PLS3: variants seen among roughly 807,000 people sequenced by gnomAD.
PLS3 encodes plastin 3.
PLS3 carries 11 observed loss-of-function variants against 46.5 expected under a neutral mutation model. The ratio of observed to expected loss-of-function variants is 0.24; its 90% CI spans 0.15 to 0.39. PLS3 has a LOEUF of 0.39. Ranked by LOEUF, PLS3 falls within the 10% of genes least tolerant of loss-of-function variation. The pLI, the probability that PLS3 is intolerant of heterozygous loss-of-function variation, is 1.00. For missense variants in PLS3, 308 were observed against 461.8 expected (o/e 0.67, Z 3.05); for synonymous variants, 167 against 162.2 (o/e 1.03, Z -0.22).
At chrX:115,579,381 T>C (rs1014811349) in intron 1 of PLS3, among the ~76,000 whole-genome samples, 7 of 112,309 alleles carry the variant, frequency 6.2e-5, no homozygotes, top group Non-Finnish European at 1.3e-4. Context: ...CAGGTGTTAG[T>C]GTGAACTTCA....
intron 11 of PLS3, 97 bp downstream of exon 11, chrX:115,645,196 C>T (rs2074938696): frequency 1.8e-6 from 1 of 561,301 alleles, no homozygotes; most frequent in Admixed American, 3.0e-5. Context: ...TAATTTGTAG[C>T]TATTATTTAT....
At chrX:115,564,920 C>T (rs2074163144) in intron 1 of PLS3, among the ~76,000 whole-genome samples, 1 of 111,629 alleles carries the variant, frequency 9.0e-6, no homozygotes, top group African/African-American at 3.3e-5. Flanking sequence ...ATCCAGAAGG[C>T]AAAATTTTTG....
intron 1 of PLS3, among the ~76,000 whole-genome samples, chrX:115,575,269 C>A (rs1290655660): frequency 5.4e-5 from 6 of 111,641 alleles, no homozygotes; most frequent in African/African-American, 2.0e-4. Flanking sequence ...GGGGTTGTTT[C>A]TACACTATGG....
At chrX:115,585,015 T>A (rs2074299275) in intron 1 of PLS3, among the ~76,000 whole-genome samples, 1 of 112,088 alleles carries the variant, frequency 8.9e-6, no homozygotes, top group Non-Finnish European at 1.9e-5. Context: ...CTTTTTGTAT[T>A]TTCTTTCATA....
chrX:115,630,570 A>C (rs1323126209), intron 5 of PLS3, among the ~76,000 whole-genome samples: 1 of 107,651 alleles, frequency 9.3e-6, no homozygotes, highest in African/African-American at 3.4e-5. Flanking sequence ...ATCTGTTATG[A>C]TCTCCACATT....
At position 115,634,369 on chromosome X, in the gene PLS3, A is replaced by G. The variant is rs73638913; in HGVS notation, c.582+288A>G. On this transcript the variant is annotated intron_variant, in intron 6 of 15. Transcript: ENST00000355899. ...CTACAGAGATAAGCAGAAGTATATA[A>G]GCTCTTAATTAACTGGCGTGCTTAA... 0.018 allele frequency among the ~76,000 whole-genome samples: 2,020 copies of G among 112,144 alleles called. 48 individuals are homozygous for G. The highest frequency in any genetic ancestry group is 0.062 in the African/African-American group (1,915 of 30,887).
intron 1 of PLS3, among the ~76,000 whole-genome samples, chrX:115,569,495 A>G (rs1055057634): frequency 3.6e-5 from 4 of 112,017 alleles, no homozygotes; most frequent in Admixed American, 9.5e-5. Context: ...TCAGAGTTTT[A>G]CATTTCATTC....
At chrX:115,621,874 ATACT>A (rs1174120772) in intron 2 of PLS3, among the ~76,000 whole-genome samples, 3 of 112,064 alleles carry the variant, frequency 2.7e-5, no homozygotes, top group African/African-American at 9.7e-5. Flanking sequence ...CAAAATTCCT[ATACT>A]TACAGTAGAA....
intron 10 of PLS3, among the ~76,000 whole-genome samples, chrX:115,644,760 A>ACT (rs781930150): frequency 3.6e-5 from 4 of 111,535 alleles, no homozygotes; most frequent in African/African-American, 1.3e-4. Context: ...GAAGGAGACT[A>ACT]TAAAAAGTTC....
chrX:115,573,127 GA>G (rs371116519), intron 1 of PLS3, among the ~76,000 whole-genome samples: 1 of 103,940 alleles, frequency 9.6e-6, no homozygotes, highest in Admixed American at 1.0e-4. Context: ...AGAAAGAAAG[GA>G]AAAAAAAAGA....
At chrX:115,581,211 A>G (rs963533507) in intron 1 of PLS3, among the ~76,000 whole-genome samples, 4 of 111,885 alleles carry the variant, frequency 3.6e-5, no homozygotes, top group African/African-American at 1.3e-4. Context: ...TCCTAAACCT[A>G]TTGTTTTGCC....
chrX:115,616,213 T>G (rs1476484836), intron 2 of PLS3, among the ~76,000 whole-genome samples: 1 of 112,274 alleles, frequency 8.9e-6, no homozygotes, highest in African/African-American at 3.2e-5. Context: ...GTTTTTAAAG[T>G]GGACACTGTA....
chrX:115,614,017 G>A (rs1417441179), intron 2 of PLS3: 1 of 110,919 alleles, frequency 9.0e-6, no homozygotes, highest in African/African-American at 3.3e-5. Context: ...TGTCACCCAG[G>A]CTGGAGTGCA....
intron 2 of PLS3, among the ~76,000 whole-genome samples, chrX:115,613,553 GCT>G (rs1266138723): frequency 6.3e-5 from 7 of 111,702 alleles, no homozygotes; most frequent in Admixed American, 9.5e-5. Flanking sequence ...ACTAATCAGT[GCT>G]CTTTCATTGT....
chrX:115,575,202 A>T (rs1487877149), intron 1 of PLS3, among the ~76,000 whole-genome samples: 1 of 111,735 alleles, frequency 8.9e-6, no homozygotes, highest in Non-Finnish European at 1.9e-5. Flanking sequence ...TTATGGCTGG[A>T]TAATATTTCA....
intron 9 of PLS3, among the ~76,000 whole-genome samples, chrX:115,641,372 C>T (rs782754746): frequency 3.7e-5 from 4 of 107,811 alleles, no homozygotes; most frequent in Non-Finnish European, 5.7e-5. Flanking sequence ...CGATTACAGG[C>T]GCCCACCACC....
At position 115,625,521 on chromosome X, in the gene PLS3, A is replaced by C. The variant is rs183672469; in HGVS notation, c.237+3112A>C. Among the ~76,000 whole-genome samples, 899 of 109,744 alleles carry C rather than the reference A, an allele frequency of 8.2e-3. 16 individuals carry two copies. The highest frequency in any genetic ancestry group is 0.028 in the Middle Eastern group (6 of 214). On this transcript the variant is annotated intron_variant, in intron 3 of 15. Coordinates refer to ENST00000355899, the MANE Select transcript of PLS3 (RefSeq NM_005032.7). ...AGTATGGCACTTTCAGCAGAGAAGT[A>C]AGCTGCCCAGAACAGTCTTGGACAT...
At chrX:115,582,557 T>C (rs1396296003) in intron 1 of PLS3, among the ~76,000 whole-genome samples, 1 of 111,891 alleles carries the variant, frequency 8.9e-6, no homozygotes. Context: ...TACATTTGAA[T>C]GGTAAGGGCA....
intron 1 of PLS3, among the ~76,000 whole-genome samples, chrX:115,590,420 G>A (rs2074336790): frequency 1.8e-5 from 2 of 110,856 alleles, no homozygotes; most frequent in Non-Finnish European, 1.9e-5. Context: ...ACACAGACAC[G>A]CTCCCCACCG....
Sources: allele counts gnomAD v4.1 joint callset (sites outside exome capture counted in the v4.1 genomes callset), GRCh38; gene constraint gnomAD v4.1.1; transcripts MANE v1.5; gene names NCBI Gene and HGNC (gene_info 2026-07-23, HGNC 2026-07-21).